LRRN3: variants seen among roughly 807,000 people sequenced by gnomAD.
LRRN3 encodes leucine rich repeat neuronal 3.
Under a neutral mutation model 40.1 loss-of-function variants are expected in LRRN3, and 15 were observed. The observed-to-expected ratio is 0.37, with a 90% confidence interval of 0.25 to 0.58. LRRN3 has a LOEUF of 0.58. Ranked by LOEUF, LRRN3 falls within the 20% of genes least tolerant of loss-of-function variation. The probability of loss-of-function intolerance (pLI) is 0.72; values close to 1 mark genes in which losing one functional copy is unlikely to be tolerated. For synonymous variants in LRRN3, 308 were observed against 297.2 expected (o/e 1.04, Z -0.37); for missense variants, 746 against 837.7 (o/e 0.89, Z 1.35).
chr7:111,107,528 A>G (rs955373826), intron 2 of LRRN3, among the ~76,000 whole-genome samples: 1 of 152,100 alleles, frequency 6.6e-6, no homozygotes, highest in African/African-American at 2.4e-5. Flanking sequence ...AGAAGGGGCA[A>G]TGGAACATGA....
intron 2 of LRRN3, among the ~76,000 whole-genome samples, chr7:111,117,926 G>T (rs1800089362): frequency 6.6e-6 from 1 of 152,056 alleles, no homozygotes; most frequent in South Asian, 2.1e-4. Flanking sequence ...GGCACACTTT[G>T]TTCTTAAGCT....
chr7:111,120,497 T>C (rs1419225177), intron 2 of LRRN3, among the ~76,000 whole-genome samples: 1 of 152,062 alleles, frequency 6.6e-6, no homozygotes, highest in Non-Finnish European at 1.5e-5. Flanking sequence ...CCACAACACA[T>C]GGGAATTATC....
rs1284194138 is a variant in LRRN3 at position 111,125,075 on chromosome 7, A to G, written c.*176A>G. On this transcript the variant is annotated 3_prime_UTR_variant, in exon 3 of 3. Coordinates refer to ENST00000308478, the MANE Select transcript of LRRN3 (RefSeq NM_001099658.2). ...CTCCTGACCAATGGAAATATGTACA[A>G]CTTCAGCATTTTAAGTAACTGGCTT... The G allele has an allele frequency of 1.9e-6, 1 of 515,286 alleles. No individual in the cohort carries two copies. The highest frequency in any genetic ancestry group is 2.0e-5 in the African/African-American group (1 of 49,906). The allele number at this position is 515,286 out of a possible 1,614,324, so 31.9% of individuals were successfully genotyped here. A position where few individuals can be genotyped will look rare whatever the true frequency, so the allele number is the denominator to read the frequency against.
Position 111,124,010 on chromosome 7 carries a change from G to A in LRRN3, c.1238G>A (p.Arg413Lys), listed in dbSNP as rs1800977360. The A allele has an allele frequency of 5.6e-6, 9 of 1,614,094 alleles. No homozygotes were observed. Among genetic ancestry groups the A allele is most frequent in the Non-Finnish European group, 7.6e-6 (9 of 1,179,988 alleles). The change falls in exon 3 of 3, where the codon AGG becomes AAG. Residue 413 changes from arginine to lysine, a missense_variant. Arg to Lys is a conservative substitution (Grantham distance 26, BLOSUM62 2). Coordinates refer to ENST00000308478, the MANE Select transcript of LRRN3 (RefSeq NM_001099658.2). ...CAGAATGTTCGGCAAGTGCATTTCA[G>A]GGACATGATGGAAATTTGTCTCCCT... ...QGQNVRQVHF[R>K]DMMEICLPLI...
intron 2 of LRRN3, among the ~76,000 whole-genome samples, chr7:111,114,006 C>T (rs1456815653): frequency 1.3e-5 from 2 of 152,110 alleles, no homozygotes; most frequent in African/African-American, 4.8e-5. Context: ...TTAAATCCCT[C>T]TAAATATCTA....
At chr7:111,098,427 C>T (rs1797624653) in intron 1 of LRRN3, among the ~76,000 whole-genome samples, 1 of 151,654 alleles carries the variant, frequency 6.6e-6, no homozygotes, top group Non-Finnish European at 1.5e-5. Context: ...TATATTTAGG[C>T]TATAAATTAT....
At chr7:111,116,045 A>T (rs997150070) in intron 2 of LRRN3, among the ~76,000 whole-genome samples, 7 of 152,188 alleles carry the variant, frequency 4.6e-5, no homozygotes, top group Non-Finnish European at 2.9e-5. Flanking sequence ...AGAGAAGAAA[A>T]AAGATAAAAC....
intron 2 of LRRN3, among the ~76,000 whole-genome samples, chr7:111,108,584 G>C (rs1798815758): frequency 6.6e-6 from 1 of 152,038 alleles, no homozygotes; most frequent in African/African-American, 2.4e-5. Flanking sequence ...GATATAATGA[G>C]AGTAGACATT....
At chr7:111,108,829 T>A (rs943052058) in intron 2 of LRRN3, among the ~76,000 whole-genome samples, 2 of 152,130 alleles carry the variant, frequency 1.3e-5, no homozygotes, top group East Asian at 1.9e-4. Flanking sequence ...CAAATTTTTT[T>A]AAATGTATAA....
At chr7:111,106,573 C>A (rs1352274557) in intron 2 of LRRN3, among the ~76,000 whole-genome samples, 1 of 151,190 alleles carries the variant, frequency 6.6e-6, no homozygotes, top group Non-Finnish European at 1.5e-5. Context: ...GAAAGGCTTG[C>A]TATTTTGAGG....
intron 2 of LRRN3, among the ~76,000 whole-genome samples, chr7:111,114,688 C>T (rs1251838241): frequency 1.4e-5 from 2 of 145,588 alleles, no homozygotes; most frequent in Non-Finnish European, 3.0e-5. Flanking sequence ...GTGAGTGAGC[C>T]GAGATCGCAC....
rs1301084403 is a variant in LRRN3, at chr7:111,123,607, G to T, written c.835G>T (p.Asp279Tyr). ...KNPINRIRRG[D>Y]FSNMLHLKEL... ...TCCTATTAATAGAATACGAAGGGGT[G>T]ATTTTAGCAATATGCTACACTTAAA... The change falls in exon 3 of 3, where the codon GAT (aspartate) becomes TAT (tyrosine). Residue 279 changes from aspartate (D) to tyrosine (Y), a missense_variant. Coordinates refer to ENST00000308478, the MANE Select transcript of LRRN3 (RefSeq NM_001099658.2). The surrounding 1 kb of genome is among the most constrained non-coding windows in gnomAD (Gnocchi z 6.4). The T allele has an allele frequency of 6.2e-7, 1 of 1,613,290 alleles. No individual in the cohort carries two copies. The highest frequency in any genetic ancestry group is 1.1e-5 in the South Asian group (1 of 91,042).
In LRRN3 at chr7:111,123,422, T is replaced by C; in HGVS notation, c.650T>C (p.Leu217Pro). ...NFKPLINLRS[L>P]VIAGINLTEI... is the part of the protein sequence containing the mutation. ...AAGCCTCTTATCAATCTTCGCAGCC[T>C]GGTTATAGCTGGTATAAACCTCACA... Residue 217 changes from leucine to proline, a missense_variant, in exon 3 of 3, where the codon CTG becomes CCG. By Grantham distance (98) the Leu-to-Pro change is moderately conservative. Transcript: ENST00000308478. This position sits in a 1 kb window ranked among gnomAD's most constrained non-coding sequence, Gnocchi z 6.4. 4 of 1,613,290 alleles carry C rather than the reference T, an allele frequency of 2.5e-6. No individual in the cohort carries two copies. The highest frequency in any genetic ancestry group is 3.4e-6 in the Non-Finnish European group (4 of 1,179,778).
At chr7:111,110,592 TGAA>T (rs1392088854) in intron 2 of LRRN3, among the ~76,000 whole-genome samples, 1 of 152,146 alleles carries the variant, frequency 6.6e-6, no homozygotes, top group Non-Finnish European at 1.5e-5. Context: ...ATAACTGTCT[TGAA>T]GAATATATAT....
chr7:111,096,576 T>C (rs2107146), intron 1 of LRRN3, among the ~76,000 whole-genome samples: 112,686 of 151,224 alleles, frequency 0.75, 44,580 homozygotes, highest in East Asian at 0.88. Context: ...TGTATGTTGT[T>C]CTACCTACTC....
chr7:111,121,218 G>A (rs1305677779), intron 2 of LRRN3, among the ~76,000 whole-genome samples: 1 of 152,042 alleles, frequency 6.6e-6, no homozygotes, highest in Non-Finnish European at 1.5e-5. Flanking sequence ...TTTTTTTCTT[G>A]TAAATTTGTT....
In LRRN3 at chr7:111,122,670, A is replaced by T; in HGVS notation, c.-103A>T. The T allele has an allele frequency of 1.1e-6, 1 of 907,640 alleles. No individual in the cohort carries two copies. Among genetic ancestry groups the T allele is most frequent in the Non-Finnish European group, 1.7e-6 (1 of 587,962 alleles). 56.2% of individuals were successfully genotyped at this position (907,640 alleles called of 1,614,324 possible). On this transcript the variant is annotated 5_prime_UTR_variant, in exon 3 of 3. It removes the in-frame stop codon of an upstream open reading frame in the 5' UTR. Transcript: ENST00000308478. Reference sequence around the variant, plus strand: ...GTGGTTCTATGGCATTCATCATTTGACAAATGCAAGCATCTTCCTTATCAA... The same window carrying T: ...GTGGTTCTATGGCATTCATCATTTGTCAAATGCAAGCATCTTCCTTATCAA...
intron 2 of LRRN3, among the ~76,000 whole-genome samples, chr7:111,104,360 CT>C (rs1798307993): frequency 1.3e-5 from 2 of 151,846 alleles, no homozygotes; most frequent in South Asian, 2.1e-4. Context: ...GAAACAATTT[CT>C]TTTGTTATCT....
In LRRN3 at chr7:111,123,060, C is replaced by G; in HGVS notation, c.288C>G (p.Gly96=). ...CAGACTTTCCAGTAAACCTTACTGG[C>G]CTGGATTTATCTCAAAACAATTTAT... ...YSTDFPVNLT[G]LDLSQNNLSS... The change falls in exon 3 of 3, where the codon GGC becomes GGG. Residue 96 remains glycine, a synonymous_variant. Transcript: ENST00000308478. The surrounding 1 kb of genome is among the most constrained non-coding windows in gnomAD (Gnocchi z 6.4). 1 of 1,613,716 alleles carries G rather than the reference C, an allele frequency of 6.2e-7. No individual in the cohort carries two copies. Among genetic ancestry groups the G allele is most frequent in the Non-Finnish European group, 8.5e-7 (1 of 1,179,888 alleles).
Sources: allele counts gnomAD v4.1 joint callset (sites outside exome capture counted in the v4.1 genomes callset), GRCh38; gene constraint gnomAD v4.1.1; non-coding constraint Gnocchi (gnomAD v3.1); transcripts MANE v1.5; gene names NCBI Gene and HGNC (gene_info 2026-07-23, HGNC 2026-07-21).